LARGE1: variants seen among roughly 807,000 people sequenced by gnomAD.
LARGE1 encodes the protein LARGE xylosyl- and glucuronyltransferase 1.
LARGE1 carries 43 observed loss-of-function variants against 87.6 expected under a neutral mutation model. The ratio of observed to expected loss-of-function variants is 0.49; its 90% CI spans 0.38 to 0.63. The LOEUF (loss-of-function observed/expected upper bound fraction) is 0.63. Ranked by LOEUF, LARGE1 falls within the 30% of genes least tolerant of loss-of-function variation. The pLI is 0.00. For synonymous variants in LARGE1, 434 were observed against 394.6 expected (o/e 1.10, Z -1.18); for missense variants, 802 against 1,000.2 (o/e 0.80, Z 2.67).
intron 2 of LARGE1, among the ~76,000 whole-genome samples, chr22:33,715,120 G>A (rs2082871208): frequency 6.6e-6 from 1 of 152,146 alleles, no homozygotes; most frequent in African/African-American, 2.4e-5. Context: ...AATTAGGGTC[G>A]TTCCTTCAAA....
rs1482395007 is a variant in LARGE1, at chr22:33,740,533, CTA to C, written c.106+20836_106+20837del. On this transcript the variant is annotated intron_variant, in intron 2 of 14. Coordinates refer to ENST00000397394, the MANE Select transcript of LARGE1 (RefSeq NM_133642.5). ...AGAACAATTTTCATCAGGACAGAAA[CTA>C]TGTCTTAATCTTAGTGTCTTTCTCG... Among the ~76,000 whole-genome samples, 2 of 152,174 alleles carry C rather than the reference CTA, an allele frequency of 1.3e-5. 1 individual carries two copies. Among genetic ancestry groups the C allele is most frequent in the Non-Finnish European group, 2.9e-5 (2 of 68,034 alleles).
intron 5 of LARGE1, among the ~76,000 whole-genome samples, chr22:33,590,843 T>C (rs1295327955): frequency 6.6e-6 from 1 of 152,194 alleles, no homozygotes; most frequent in African/African-American, 2.4e-5. Context: ...TAGGTTTTAT[T>C]TCTCTTGGTT....
chr22:33,657,691 CCT>C (rs1405644731), intron 2 of LARGE1, among the ~76,000 whole-genome samples: 1 of 152,068 alleles, frequency 6.6e-6, no homozygotes, highest in Non-Finnish European at 1.5e-5. Flanking sequence ...CTGATTTCTC[CCT>C]GTTCCTGTCA....
chr22:33,100,184 A>G, the LARGE1 span, among the ~76,000 whole-genome samples: 1 of 151,776 alleles, frequency 6.6e-6, no homozygotes, highest in Non-Finnish European at 1.5e-5. Context: ...AAAACAAAAC[A>G]AAACAAAACA....
intron 1 of LARGE1, among the ~76,000 whole-genome samples, chr22:33,890,107 G>C (rs956415379): frequency 6.6e-6 from 1 of 152,246 alleles, no homozygotes; most frequent in African/African-American, 2.4e-5. Context: ...TCTGAAGATA[G>C]AGGGGAACTA....
the LARGE1 span, among the ~76,000 whole-genome samples, chr22:33,080,398 G>A: frequency 2.6e-5 from 4 of 152,178 alleles, no homozygotes; most frequent in East Asian, 1.9e-4. Flanking sequence ...TGGGAATTCC[G>A]TTCCACTCTG....
chr22:33,614,110 T>C (rs1158502599), intron 4 of LARGE1, among the ~76,000 whole-genome samples: 2 of 152,114 alleles, frequency 1.3e-5, no homozygotes, highest in Admixed American at 6.5e-5. Context: ...GGTTCTGTCA[T>C]GAACAAATGT....
At position 33,804,854 on chromosome 22, in the gene LARGE1, C is replaced by T. The variant is rs151260656; in HGVS notation, c.-82-43296G>A. On this transcript the variant is annotated intron_variant, in intron 1 of 14. Coordinates refer to ENST00000397394, the MANE Select transcript of LARGE1 (RefSeq NM_133642.5). The stretch of plus-strand genomic sequence containing the variant: ...TTCTAGCTGATCCCAGTCAGGTTCA[C>T]GGCTTTCAATGGCCTGCAAAGGCCA... Among the ~76,000 whole-genome samples, 1,411 of 152,320 alleles carry T rather than the reference C, an allele frequency of 9.3e-3. 10 individuals carry two copies. The highest frequency in any genetic ancestry group is 0.054 in the Middle Eastern group (16 of 294).
intron 2 of LARGE1, among the ~76,000 whole-genome samples, chr22:33,678,633 TTC>T (rs1209610957): frequency 2.0e-5 from 3 of 152,228 alleles, no homozygotes; most frequent in Non-Finnish European, 2.9e-5. Flanking sequence ...TAGCAGCTAA[TTC>T]TCTCTTTCCT....
chr22:33,530,424 CA>C (rs1483707653), intron 6 of LARGE1, among the ~76,000 whole-genome samples: 1 of 149,472 alleles, frequency 6.7e-6, no homozygotes, highest in African/African-American at 2.5e-5. Context: ...TGAAAGCTAG[CA>C]AACACCATTG....
chr22:33,624,455 G>A (rs1352529221), intron 4 of LARGE1, among the ~76,000 whole-genome samples: 1 of 152,160 alleles, frequency 6.6e-6, no homozygotes, highest in Non-Finnish European at 1.5e-5. Flanking sequence ...TAGAAAAGAT[G>A]CTTATGTAAA....
chr22:33,745,961 T>C (rs1444657939), intron 2 of LARGE1, among the ~76,000 whole-genome samples: 1 of 152,202 alleles, frequency 6.6e-6, no homozygotes, highest in East Asian at 1.9e-4. Flanking sequence ...CATACCCATT[T>C]AAGAAATGAA....
At chr22:33,751,153 G>C (rs1437436966) in intron 2 of LARGE1, among the ~76,000 whole-genome samples, 1 of 152,104 alleles carries the variant, frequency 6.6e-6, no homozygotes. Flanking sequence ...TTATCATAAA[G>C]TGAGCCCAGC....
At position 33,604,464 on chromosome 22, in the gene LARGE1, C is replaced by T; in HGVS notation, c.586G>A (p.Val196Met). The T allele has an allele frequency of 1.2e-6, 2 of 1,614,124 alleles. No individual in the cohort carries two copies. The highest frequency in any genetic ancestry group is 1.7e-6 in the Non-Finnish European group (2 of 1,179,998). Residue 196 changes from valine to methionine, a missense_variant, in exon 5 of 15, where the codon GTG becomes ATG. Physicochemically the swap from Val to Met is conservative, Grantham distance 21 (BLOSUM62 1). Coordinates refer to ENST00000397394, the MANE Select transcript of LARGE1 (RefSeq NM_133642.5). ...FQTWMVPAVR[V>M]DFYNADELKS... ...AGCTCGTCTGCATTGTAGAAGTCCA[C>T]ACGCACAGCGGGCACCATCCAGGTC... is the stretch of plus-strand genomic sequence containing the variant.
chr22:33,551,250 A>G (rs575199842), intron 6 of LARGE1, among the ~76,000 whole-genome samples: 1 of 152,368 alleles, frequency 6.6e-6, no homozygotes, highest in East Asian at 1.9e-4. Flanking sequence ...TAGTGCCAAC[A>G]TGGAGAAACC....
chr22:33,255,614 C>T lies in LARGE1; in HGVS notation c.1730+48615G>A, dbSNP rs561423791. 4.6e-5 allele frequency among the ~76,000 whole-genome samples: 7 copies of T among 152,356 alleles called. No individual in the cohort carries two copies. In the South Asian group the frequency reaches 1.4e-3, roughly 32 times the overall value. On this transcript the variant is annotated intron_variant, in intron 11 of 11. Transcript: ENST00000608642. The stretch of plus-strand genomic sequence containing the variant: ...TGCTTGAGATTCACAACAAGCTACA[C>T]AGGCTTAGCTGCCCTTAGGTTTTTT...
chr22:33,227,821 T>C (rs1164373788), intron 11 of LARGE1, among the ~76,000 whole-genome samples: 1 of 152,208 alleles, frequency 6.6e-6, no homozygotes, highest in Non-Finnish European at 1.5e-5. Context: ...TAATTAAAAA[T>C]GTAAACCTTT....
chr22:33,426,673 T>C (rs530794555), intron 7 of LARGE1, among the ~76,000 whole-genome samples: 5 of 152,208 alleles, frequency 3.3e-5, no homozygotes, highest in Admixed American at 6.5e-5. Context: ...CACGGTTTGC[T>C]CTAACCTCAG....
chr22:33,768,026 T>C (rs1601569545), intron 1 of LARGE1, among the ~76,000 whole-genome samples: 2 of 152,236 alleles, frequency 1.3e-5, no homozygotes, highest in African/African-American at 4.8e-5. Flanking sequence ...ACAGGTCCTA[T>C]AGGCCGGGCG....
Sources: gnomAD v4.1 joint callset for allele counts (sites outside exome capture counted in the v4.1 genomes callset) on GRCh38, gnomAD v4.1.1 for gene constraint, MANE v1.5 for transcripts, NCBI Gene and HGNC (gene_info 2026-07-23, HGNC 2026-07-21) for gene names.